Variants in ATXN1 observed in about 807,000 individuals in gnomAD.
ATXN1 encodes ataxin-1.
A neutral mutation model predicts 56.4 loss-of-function variants in ATXN1; 8 were observed. The ratio of observed to expected loss-of-function variants is 0.14; its 90% CI spans 0.08 to 0.26. ATXN1 has a LOEUF of 0.26. Ranked by LOEUF, ATXN1 falls within the 10% of genes least tolerant of loss-of-function variation. ATXN1 has a pLI of 1.00. For missense variants in ATXN1, 987 were observed against 1,106.5 expected (o/e 0.89, Z 1.53); for synonymous variants, 514 against 494.6 (o/e 1.04, Z -0.52).
chr6:16,568,875 A>C (rs976499328), intron 4 of ATXN1, among the ~76,000 whole-genome samples: 2 of 152,202 alleles, frequency 1.3e-5, no homozygotes, highest in African/African-American at 4.8e-5. Context: ...CAGCAGATCT[A>C]ATCTTGAGAG....
intron 4 of ATXN1, among the ~76,000 whole-genome samples, chr6:16,542,946 C>G (rs1392824492): frequency 2.6e-5 from 4 of 151,972 alleles, no homozygotes; most frequent in African/African-American, 7.3e-5. Flanking sequence ...ATGGCACTCA[C>G]CTGTTTTTGT....
chr6:16,571,727 C>T (rs918059726), intron 4 of ATXN1, among the ~76,000 whole-genome samples: 4 of 152,052 alleles, frequency 2.6e-5, no homozygotes, highest in Admixed American at 6.6e-5. Context: ...GTGGTGCGAT[C>T]ACAGCTCACT....
chr6:16,691,410 T>C (rs1759044242), intron 2 of ATXN1, among the ~76,000 whole-genome samples: 1 of 152,226 alleles, frequency 6.6e-6, no homozygotes, highest in Non-Finnish European at 1.5e-5. Flanking sequence ...TACAGTTTTC[T>C]GTAAAGGAAA....
At chr6:16,676,076 G>T (rs759601059) in intron 2 of ATXN1, among the ~76,000 whole-genome samples, 1 of 152,122 alleles carries the variant, frequency 6.6e-6, no homozygotes, top group South Asian at 2.1e-4. Flanking sequence ...CATGAAGCCT[G>T]TGTCTCTAAT....
chr6:16,348,464 G>C (rs568065710), intron 6 of ATXN1, among the ~76,000 whole-genome samples: 1 of 152,078 alleles, frequency 6.6e-6, no homozygotes, highest in African/African-American at 2.4e-5. Flanking sequence ...TTCAGAGGCC[G>C]AGGGGGGGCA....
At chr6:16,572,442 G>C (rs986069591) in intron 4 of ATXN1, among the ~76,000 whole-genome samples, 1 of 152,132 alleles carries the variant, frequency 6.6e-6, no homozygotes, top group Non-Finnish European at 1.5e-5. Context: ...ATACACCTAC[G>C]GTTCTGCCCC....
At position 16,328,548 on chromosome 6, in the gene ATXN1, A is replaced by G. The variant is rs1191411181; in HGVS notation, c.-160-78T>C. On this transcript the variant is annotated intron_variant, in intron 6 of 7. Transcript: ENST00000436367. The surrounding 1 kb of genome is among the most constrained non-coding windows in gnomAD (Gnocchi z 6.2). ...GGAAGGAGGGAAAGGACATCAGAACATGAGCACCGGGGAAAGAACATCTTT... is the reference window on the plus strand; with the variant it reads ...GGAAGGAGGGAAAGGACATCAGAACGTGAGCACCGGGGAAAGAACATCTTT... The G allele has an allele frequency of 8.2e-6, 5 of 606,528 alleles. No homozygotes were observed. The highest frequency in any genetic ancestry group is 3.9e-5 in the Admixed American group (1 of 25,516). The allele number at this position is 606,528 out of a possible 1,614,324, so 37.6% of individuals were successfully genotyped here. A position where few individuals can be genotyped will look rare whatever the true frequency, so the allele number is the denominator to read the frequency against.
At chr6:16,730,489 A>ATGTG (rs1029974672) in intron 2 of ATXN1, among the ~76,000 whole-genome samples, 1 of 87,870 alleles carries the variant, frequency 1.1e-5, no homozygotes, top group Non-Finnish European at 2.6e-5. Context: ...AACAGTATGT[A>ATGTG]TATATATATA....
At chr6:16,492,277 G>T (rs569976531) in intron 5 of ATXN1, among the ~76,000 whole-genome samples, 11 of 151,194 alleles carry the variant, frequency 7.3e-5, no homozygotes, top group African/African-American at 2.7e-4. Flanking sequence ...ACTGTAGTGG[G>T]GTGGGGGGAG....
At chr6:16,409,914 G>C (rs558077622) in intron 6 of ATXN1, among the ~76,000 whole-genome samples, 206 of 152,232 alleles carry the variant, frequency 1.4e-3, no homozygotes, top group African/African-American at 4.8e-3. Flanking sequence ...TGCTGGTTGC[G>C]GGTTGAGCGA....
intron 3 of ATXN1, among the ~76,000 whole-genome samples, chr6:16,587,067 T>G (rs1325959181): frequency 6.6e-6 from 1 of 152,140 alleles, no homozygotes; most frequent in Non-Finnish European, 1.5e-5. Context: ...CCCAGAGGGT[T>G]ATGTCACCTA....
chr6:16,528,313 A>G (rs955352127), intron 4 of ATXN1, among the ~76,000 whole-genome samples: 5 of 152,076 alleles, frequency 3.3e-5, no homozygotes, highest in African/African-American at 7.2e-5. Flanking sequence ...AAAAAAAAAA[A>G]AAAAGAAAAA....
intron 2 of ATXN1, among the ~76,000 whole-genome samples, chr6:16,676,997 T>C (rs889726564): frequency 2.0e-5 from 3 of 152,212 alleles, no homozygotes; most frequent in African/African-American, 7.2e-5. Context: ...TGCTGTTTCA[T>C]TTTATTTTCA....
chr6:16,610,628 C>T (rs2113789911), intron 3 of ATXN1, among the ~76,000 whole-genome samples: 1 of 152,092 alleles, frequency 6.6e-6, no homozygotes, highest in East Asian at 1.9e-4. Flanking sequence ...AACAAAAACA[C>T]AATGTATTTC....
At chr6:16,514,049 C>A (rs1430240052) in intron 5 of ATXN1, among the ~76,000 whole-genome samples, 1 of 152,134 alleles carries the variant, frequency 6.6e-6, no homozygotes, top group Non-Finnish European at 1.5e-5. Context: ...TGTGTGCAAG[C>A]TGCACACAGC....
rs1348476780 is a variant in ATXN1 at position 16,761,290 on chromosome 6, T to G, written c.-730+8A>C. The stretch of plus-strand genomic sequence containing the variant: ...GAATCGGAGGAGGAAAAAAAAATAG[T>G]CACTTACTGTAAAGTGTAAATGGAT... On this transcript the variant is annotated splice_region_variant and intron_variant, in intron 1 of 7. Transcript: ENST00000436367. The G allele has an allele frequency of 1.6e-5, 7 of 446,636 alleles. No homozygotes were observed. The highest frequency in any genetic ancestry group is 4.7e-5 in the South Asian group (3 of 63,220). The allele number at this position is 446,636 out of a possible 1,614,324, so 27.7% of individuals were successfully genotyped here.
At chr6:16,362,861 T>A (rs1404147279) in intron 6 of ATXN1, among the ~76,000 whole-genome samples, 4 of 152,202 alleles carry the variant, frequency 2.6e-5, no homozygotes, top group African/African-American at 9.7e-5. Flanking sequence ...TGATGAGCAG[T>A]AGGAATAATA....
chr6:16,706,886 CTT>C (rs1168454652), intron 2 of ATXN1, among the ~76,000 whole-genome samples: 3 of 152,148 alleles, frequency 2.0e-5, no homozygotes, highest in Non-Finnish European at 2.9e-5. Context: ...TCAAATTTCT[CTT>C]CTCTTCACTT....
intron 3 of ATXN1, among the ~76,000 whole-genome samples, chr6:16,587,916 A>AGCG (rs567525312): frequency 1.5e-3 from 223 of 151,478 alleles, no homozygotes; most frequent in African/African-American, 5.1e-3. Context: ...GGGCATCAAC[A>AGCG]GCGGAACTCT....
Sources: allele counts gnomAD v4.1 joint callset (sites outside exome capture counted in the v4.1 genomes callset), GRCh38; gene constraint gnomAD v4.1.1; non-coding constraint Gnocchi (gnomAD v3.1); transcripts MANE v1.5; gene names NCBI Gene and HGNC (gene_info 2026-07-23, HGNC 2026-07-21).